ZFAND3: variants seen among roughly 807,000 people sequenced by gnomAD.
ZFAND3 encodes zinc finger AN1-type containing 3.
In ZFAND3, 10 loss-of-function variants were observed where a neutral mutation model predicts 29.6. The ratio of observed to expected loss-of-function variants is 0.34; its 90% CI spans 0.21 to 0.57. The LOEUF (loss-of-function observed/expected upper bound fraction) is 0.57. Ranked by LOEUF, ZFAND3 falls within the 20% of genes least tolerant of loss-of-function variation. The probability of loss-of-function intolerance (pLI) is 0.86; values close to 1 mark genes in which losing one functional copy is unlikely to be tolerated. For missense variants in ZFAND3, 230 were observed against 304.5 expected (o/e 0.76, Z 1.82); for synonymous variants, 128 against 112.6 (o/e 1.14, Z -0.87).
intron 1 of ZFAND3, among the ~76,000 whole-genome samples, chr6:37,874,691 CA>C (rs1387843860): frequency 6.6e-6 from 1 of 151,960 alleles, no homozygotes; most frequent in East Asian, 1.9e-4. Context: ...TTTTTGTTGC[CA>C]GGGGTTTAGG....
chr6:38,068,261 AAAC>A (rs1442401206), intron 3 of ZFAND3, among the ~76,000 whole-genome samples: 2 of 152,186 alleles, frequency 1.3e-5, no homozygotes, highest in Non-Finnish European at 2.9e-5. Context: ...TTATTCTTTT[AAAC>A]AACTGAAAAA....
At chr6:37,941,623 T>A (rs1263804326) in intron 2 of ZFAND3, among the ~76,000 whole-genome samples, 2 of 152,196 alleles carry the variant, frequency 1.3e-5, no homozygotes, top group Admixed American at 1.3e-4. Context: ...CTATTTAGTC[T>A]CCTGTGTTTA....
chr6:37,908,954 C>T (rs1488693028), intron 1 of ZFAND3, among the ~76,000 whole-genome samples: 1 of 152,030 alleles, frequency 6.6e-6, no homozygotes, highest in East Asian at 1.9e-4. Context: ...AAAATAATTT[C>T]ATAAGTTGTG....
intron 3 of ZFAND3, among the ~76,000 whole-genome samples, chr6:38,063,646 T>C (rs1764285982): frequency 1.3e-5 from 2 of 152,160 alleles, no homozygotes; most frequent in South Asian, 2.1e-4. Flanking sequence ...GAAGGAAAGC[T>C]GCATGGAGTT....
chr6:38,060,691 T>G (rs963724484), intron 2 of ZFAND3, among the ~76,000 whole-genome samples: 8 of 152,156 alleles, frequency 5.3e-5, no homozygotes, highest in Admixed American at 5.2e-4. Flanking sequence ...CCTCAAGCAG[T>G]CCTCCCGCCT....
At chr6:37,841,409 C>A (rs898040670) in intron 1 of ZFAND3, among the ~76,000 whole-genome samples, 1 of 152,164 alleles carries the variant, frequency 6.6e-6, no homozygotes, top group Non-Finnish European at 1.5e-5. Flanking sequence ...ATTGTAGACT[C>A]AATACATTTA....
chr6:38,061,195 CTTA>C (rs1405637509), intron 2 of ZFAND3, among the ~76,000 whole-genome samples: 1 of 152,162 alleles, frequency 6.6e-6, no homozygotes, highest in African/African-American at 2.4e-5. Context: ...TTTCTACCAT[CTTA>C]TTATGTGTTT....
chr6:37,881,288 G>A (rs1364809753), intron 1 of ZFAND3, among the ~76,000 whole-genome samples: 2 of 152,144 alleles, frequency 1.3e-5, no homozygotes, highest in Non-Finnish European at 2.9e-5. Context: ...GTTTCCGTAT[G>A]TTGACCAGCC....
At chr6:38,023,926 G>A (rs1048005950) in intron 2 of ZFAND3, among the ~76,000 whole-genome samples, 1 of 152,120 alleles carries the variant, frequency 6.6e-6, no homozygotes, top group African/African-American at 2.4e-5. Flanking sequence ...GGCTGAGGCA[G>A]GAGGCTTGGT....
At chr6:37,983,436 A>G (rs1403214310) in intron 2 of ZFAND3, among the ~76,000 whole-genome samples, 2 of 134,344 alleles carry the variant, frequency 1.5e-5, no homozygotes, top group African/African-American at 2.8e-5. Context: ...AGCTCACTGC[A>G]ACCACTGCCT....
chr6:38,065,772 C>T (rs886544622), intron 3 of ZFAND3, among the ~76,000 whole-genome samples: 1 of 152,034 alleles, frequency 6.6e-6, no homozygotes, highest in Non-Finnish European at 1.5e-5. Flanking sequence ...AAAATGCTAC[C>T]GAGGCTGTAA....
intron 1 of ZFAND3, among the ~76,000 whole-genome samples, chr6:37,825,268 C>T (rs1040764756): frequency 6.6e-6 from 1 of 152,162 alleles, no homozygotes; most frequent in African/African-American, 2.4e-5. Context: ...GTAGAATGTT[C>T]GTTCCATTGA....
intron 2 of ZFAND3, among the ~76,000 whole-genome samples, chr6:38,030,654 T>G (rs1243365212): frequency 1.3e-5 from 2 of 151,974 alleles, no homozygotes; most frequent in Admixed American, 6.5e-5. Context: ...AAGAAAACAA[T>G]TGTCAAGTTA....
At chr6:37,836,298 G>T (rs907470211) in intron 1 of ZFAND3, among the ~76,000 whole-genome samples, 1 of 80,538 alleles carries the variant, frequency 1.2e-5, no homozygotes, top group Non-Finnish European at 2.8e-5. Context: ...TCTTGAAAAA[G>T]TGTCACTTTC....
chr6:37,990,817 C>T (rs77841026), intron 2 of ZFAND3, among the ~76,000 whole-genome samples: 11,802 of 152,146 alleles, frequency 0.078, 555 homozygotes, highest in African/African-American at 0.14. Context: ...TCACATGGTA[C>T]CAGTTTAACC....
intron 1 of ZFAND3, among the ~76,000 whole-genome samples, chr6:37,857,821 G>C (rs1272644012): frequency 6.6e-6 from 1 of 152,202 alleles, no homozygotes; most frequent in Non-Finnish European, 1.5e-5. Flanking sequence ...CAGTGTGTGT[G>C]AGGGTGTGGT....
intron 2 of ZFAND3, among the ~76,000 whole-genome samples, chr6:37,986,531 G>A (rs1762673751): frequency 6.6e-6 from 1 of 152,066 alleles, no homozygotes; most frequent in Admixed American, 6.5e-5. Flanking sequence ...TGTGACATTT[G>A]TTGGTTTTTT....
At chr6:37,861,508 T>G (rs1208563051) in intron 1 of ZFAND3, among the ~76,000 whole-genome samples, 1 of 152,174 alleles carries the variant, frequency 6.6e-6, no homozygotes, top group African/African-American at 2.4e-5. Flanking sequence ...AAAAAAGAAC[T>G]GTTTCAGGGG....
chr6:37,932,089 C>A (rs557332300), intron 2 of ZFAND3, among the ~76,000 whole-genome samples: 1 of 151,834 alleles, frequency 6.6e-6, no homozygotes, highest in Non-Finnish European at 1.5e-5. Context: ...GCCAACATGG[C>A]GAAACCCCGT....
Sources: gnomAD v4.1 joint callset for allele counts (sites outside exome capture counted in the v4.1 genomes callset) on GRCh38, gnomAD v4.1.1 for gene constraint, MANE v1.5 for transcripts, NCBI Gene and HGNC (gene_info 2026-07-23, HGNC 2026-07-21) for gene names.